The following DNAJC6 variants were observed in gnomAD, a reference collection of about 807,000 sequenced individuals.
DNAJC6 encodes the protein DnaJ heat shock protein family (Hsp40) member C6.
Under a neutral mutation model 110.0 loss-of-function variants are expected in DNAJC6, and 34 were observed. The ratio of observed to expected loss-of-function variants is 0.31; its 90% confidence interval spans 0.24 to 0.41. The LOEUF is 0.41. DNAJC6 is among the 10% of genes least tolerant of loss of function. The pLI is 1.00. For missense variants in DNAJC6, 1,031 were observed against 1,207.8 expected, an observed-to-expected ratio of 0.85 and a Z score of 2.17; for synonymous variants, 406 against 437.2, an observed-to-expected ratio of 0.93 and a Z score of 0.89.
intron 1 of DNAJC6, among the ~76,000 whole-genome samples, chr1:65,333,533 T>TC (rs1235512077): frequency 3.9e-5 from 6 of 152,084 alleles, no homozygotes; most frequent in Non-Finnish European, 7.4e-5. Context: ...TTGCCCAAGG[T>TC]CACAGCATAG....
chr1:65,357,916 T>C (rs1254384370), intron 1 of DNAJC6, among the ~76,000 whole-genome samples: 2 of 152,162 alleles, frequency 1.3e-5, no homozygotes, highest in African/African-American at 4.8e-5. Flanking sequence ...CGGTGGCTCA[T>C]GCCTGTAATC....
intron 17 of DNAJC6, among the ~76,000 whole-genome samples, chr1:65,409,323 C>T (rs549980895): frequency 1.3e-5 from 2 of 152,308 alleles, no homozygotes; most frequent in South Asian, 2.1e-4. Flanking sequence ...GATTTGAGTA[C>T]AGCTGTGCCC....
Position 65,411,313 on chromosome 1 carries a change from G to A in DNAJC6, c.2698G>A (p.Val900Ile), listed in dbSNP as rs201692861. Residue 900 changes from valine (V) to isoleucine (I), a missense_variant, in exon 18 of 19, where the codon GTA becomes ATA. Physicochemically the swap from Val to Ile is conservative, Grantham distance 29 (BLOSUM62 3). Transcript: ENST00000371069. ...IRALLSTMHT[V>I]LWAGETKWKP... is the part of the protein sequence containing the mutation. ...AGCCCTTCTTTCCACGATGCATACC[G>A]TACTATGGGCTGGGGAGACCAAGTG... 14 of 1,613,996 alleles carry A rather than the reference G, an allele frequency of 8.7e-6. No homozygotes were observed. Among genetic ancestry groups the A allele is most frequent in the African/African-American group, 2.7e-5 (2 of 74,892 alleles).
intron 4 of DNAJC6, among the ~76,000 whole-genome samples, chr1:65,370,922 C>T (rs1183174889): frequency 1.3e-5 from 2 of 152,086 alleles, no homozygotes; most frequent in Non-Finnish European, 2.9e-5. Context: ...GGGAGATTGG[C>T]TGGAGTGGGA....
intron 7 of DNAJC6, among the ~76,000 whole-genome samples, chr1:65,386,319 G>T (rs532099291): frequency 1.3e-5 from 2 of 152,324 alleles, no homozygotes; most frequent in South Asian, 4.1e-4. Flanking sequence ...GCAGGTGCCA[G>T]TGGGTGGTCA....
chr1:65,305,884 AATAG>A (rs60442450), upstream of DNAJC6, among the ~76,000 whole-genome samples: 17,183 of 152,070 alleles, frequency 0.11, 1,246 homozygotes, highest in East Asian at 0.26. Context: ...TGATAGTAAT[AATAG>A]ATAGCATATG....
At chr1:65,354,412 G>A (rs921460665) in intron 1 of DNAJC6, among the ~76,000 whole-genome samples, 1 of 152,160 alleles carries the variant, frequency 6.6e-6, no homozygotes, top group Non-Finnish European at 1.5e-5. Context: ...ATCCCATTTA[G>A]TTGTTTATGG....
chr1:65,404,385 G>C (rs371171875), intron 15 of DNAJC6, among the ~76,000 whole-genome samples: 1 of 152,148 alleles, frequency 6.6e-6, no homozygotes, highest in African/African-American at 2.4e-5. Context: ...ACATAGTTTT[G>C]ATTAAACAGA....
At chr1:65,372,778 A>G (rs967345432) in intron 4 of DNAJC6, among the ~76,000 whole-genome samples, 5 of 152,226 alleles carry the variant, frequency 3.3e-5, no homozygotes, top group Non-Finnish European at 5.9e-5. Context: ...GGGCATGAGT[A>G]TAAAGATGAC....
intron 1 of DNAJC6, among the ~76,000 whole-genome samples, chr1:65,300,619 C>T (rs1644970298): frequency 6.6e-6 from 1 of 152,180 alleles, no homozygotes; most frequent in Admixed American, 6.5e-5. Context: ...CTGCTTAGCC[C>T]ACACTCAGCT....
chr1:65,405,476 T>C (rs550235554), intron 15 of DNAJC6, among the ~76,000 whole-genome samples: 115 of 152,190 alleles, frequency 7.6e-4, no homozygotes, highest in African/African-American at 2.7e-3. Flanking sequence ...TTTATTCTAG[T>C]GAAGAAACAG....
intron 2 of DNAJC6, 90 bp from the exon 3 acceptor site, chr1:65,365,795 T>G (rs1309677839): frequency 7.1e-7 from 1 of 1,404,282 alleles, no homozygotes; most frequent in East Asian, 2.3e-5. Context: ...GACAGCGGTG[T>G]CCCAGTTCAT....
Position 65,398,780 on chromosome 1 carries a change from T to C in DNAJC6, c.2039-33T>C, listed in dbSNP as rs1444000862. On this transcript the variant is annotated intron_variant, in intron 13 of 18. Coordinates refer to ENST00000371069, the MANE Select transcript of DNAJC6 (RefSeq NM_001256864.2). ...CAGAAAAGTGGGTTCTGAGCTCTCT[T>C]GTTCTCATTCTTTTTCTTTTCCCCA... is the stretch of plus-strand genomic sequence containing the variant. 3 of 1,612,680 alleles carry C rather than the reference T, an allele frequency of 1.9e-6. No homozygotes were observed. The Admixed American group carries it at 5.0e-5, about 27-fold the overall frequency.
intron 1 of DNAJC6, among the ~76,000 whole-genome samples, chr1:65,276,874 C>T (rs981710214): frequency 6.6e-6 from 1 of 152,098 alleles, no homozygotes; most frequent in Non-Finnish European, 1.5e-5. Context: ...TAACAGCTGC[C>T]CCTTGCCTGG....
intron 1 of DNAJC6, among the ~76,000 whole-genome samples, chr1:65,323,464 C>G (rs1645214436): frequency 6.6e-6 from 1 of 152,164 alleles, no homozygotes; most frequent in African/African-American, 2.4e-5. Flanking sequence ...TTTCCCGAGG[C>G]CTCCTAGTCA....
intron 1 of DNAJC6, among the ~76,000 whole-genome samples, chr1:65,302,084 T>C (rs1470641066): frequency 3.6e-5 from 2 of 56,108 alleles, no homozygotes; most frequent in African/African-American, 1.2e-4. Flanking sequence ...ATACGTATTA[T>C]ATATATTATA....
chr1:65,375,605 T>G (rs1645755031), intron 4 of DNAJC6, among the ~76,000 whole-genome samples: 1 of 152,064 alleles, frequency 6.6e-6, no homozygotes, highest in Non-Finnish European at 1.5e-5. Context: ...TTTTTGTATT[T>G]TTAGTAGAGA....
intron 1 of DNAJC6, among the ~76,000 whole-genome samples, chr1:65,271,322 C>T (rs1653497654): frequency 6.6e-6 from 1 of 152,048 alleles, no homozygotes; most frequent in Non-Finnish European, 1.5e-5. Context: ...ATTATTAACC[C>T]CAGTCACAGT....
chr1:65,288,006 A>T (rs546730987), intron 1 of DNAJC6, among the ~76,000 whole-genome samples: 12 of 152,198 alleles, frequency 7.9e-5, no homozygotes, highest in Non-Finnish European at 1.6e-4. Context: ...TTCTGTTTTC[A>T]GTGTAATACT....
Sources: gnomAD v4.1 joint callset for allele counts (sites outside exome capture counted in the v4.1 genomes callset) on GRCh38, gnomAD v4.1.1 for gene constraint, MANE v1.5 for transcripts, NCBI Gene and HGNC (gene_info 2026-07-23, HGNC 2026-07-21) for gene names.